Variants in CACNB2 observed in about 807,000 individuals in gnomAD.
CACNB2 encodes calcium voltage-gated channel auxiliary subunit beta 2, also known as voltage-dependent L-type calcium channel subunit beta-2.
CACNB2 carries 42 observed loss-of-function variants against 73.3 expected under a neutral mutation model. The ratio of observed to expected loss-of-function variants is 0.57; its 90% CI spans 0.45 to 0.74. The LOEUF (loss-of-function observed/expected upper bound fraction) is 0.74. Among genes scored for constraint, CACNB2 ranks in the 30% least tolerant of loss-of-function variants. The probability of loss-of-function intolerance (pLI) is 0.00; values close to 1 mark genes in which losing one functional copy is unlikely to be tolerated. For synonymous variants in CACNB2, 348 were observed against 310.3 expected (o/e 1.12, Z -1.28); for missense variants, 940 against 853.0 (o/e 1.10, Z -1.27).
At chr10:18,477,041 C>T (rs1056645260) in intron 3 of CACNB2, among the ~76,000 whole-genome samples, 1 of 151,378 alleles carries the variant, frequency 6.6e-6, no homozygotes, top group Non-Finnish European at 1.5e-5. Context: ...AAATACAGTT[C>T]TCATCTGCCA....
intron 2 of CACNB2, among the ~76,000 whole-genome samples, chr10:18,301,748 C>A (rs1472875355): frequency 6.6e-6 from 1 of 151,544 alleles, no homozygotes; most frequent in Non-Finnish European, 1.5e-5. Flanking sequence ...TTCTGGGTTC[C>A]AATGATTCTC....
chr10:18,401,488 TGG>T (rs2043993830), intron 2 of CACNB2, among the ~76,000 whole-genome samples: 1 of 152,220 alleles, frequency 6.6e-6, no homozygotes, highest in African/African-American at 2.4e-5. Flanking sequence ...AGTGACATTT[TGG>T]AGAGTTCAAG....
intron 3 of CACNB2, among the ~76,000 whole-genome samples, chr10:18,415,577 T>C (rs1351989114): frequency 1.3e-5 from 2 of 152,124 alleles, no homozygotes; most frequent in Non-Finnish European, 2.9e-5. Context: ...AGAAGGGCAC[T>C]TTAAATTATA....
intron 2 of CACNB2, among the ~76,000 whole-genome samples, chr10:18,252,707 G>T (rs1247665174): frequency 6.6e-6 from 1 of 152,178 alleles, no homozygotes; most frequent in African/African-American, 2.4e-5. Context: ...TTTAAGAGAG[G>T]TTTAATTTTT....
intron 2 of CACNB2, chr10:18,340,831 A>C (rs998096173): frequency 1.2e-6 from 2 of 1,612,840 alleles, no homozygotes; most frequent in South Asian, 1.1e-5. Context: ...CTGTTCAGCA[A>C]AGCAAGACTT....
At chr10:18,348,628 C>T (rs1368440913) in intron 2 of CACNB2, among the ~76,000 whole-genome samples, 2 of 152,068 alleles carry the variant, frequency 1.3e-5, no homozygotes, top group Admixed American at 6.6e-5. Flanking sequence ...CTCAGCCTCC[C>T]GAGTATCTGG....
chr10:18,355,664 T>G (rs1365735675), intron 2 of CACNB2, among the ~76,000 whole-genome samples: 2 of 150,264 alleles, frequency 1.3e-5, no homozygotes, highest in Non-Finnish European at 3.0e-5. Flanking sequence ...TGAGACAGAG[T>G]CTTGCTCTGT....
intron 3 of CACNB2, among the ~76,000 whole-genome samples, chr10:18,426,357 A>G (rs751655042): frequency 6.6e-6 from 1 of 152,232 alleles, no homozygotes; most frequent in African/African-American, 2.4e-5. Context: ...TAGTTACTAC[A>G]GTCTCTCTCA....
chr10:18,259,574 A>ACAAAG, intron 2 of CACNB2, among the ~76,000 whole-genome samples: 1 of 139,500 alleles, frequency 7.2e-6, no homozygotes, highest in African/African-American at 2.7e-5. Context: ...CAAAAAAAAA[A>ACAAAG]AGTAAAAGTA....
At chr10:18,349,428 T>G (rs377257668) in intron 2 of CACNB2, among the ~76,000 whole-genome samples, 5 of 152,358 alleles carry the variant, frequency 3.3e-5, no homozygotes, top group African/African-American at 1.2e-4. Context: ...ATGCAGTATC[T>G]GCTTTTAGGC....
At chr10:18,275,334 T>C (rs1317803826) in intron 2 of CACNB2, among the ~76,000 whole-genome samples, 1 of 152,222 alleles carries the variant, frequency 6.6e-6, no homozygotes, top group Admixed American at 6.5e-5. Context: ...ATCCTGTTAA[T>C]GCCAAACTTC....
intron 2 of CACNB2, among the ~76,000 whole-genome samples, chr10:18,335,454 A>G (rs1436019842): frequency 6.6e-6 from 1 of 152,198 alleles, no homozygotes; most frequent in East Asian, 1.9e-4. Flanking sequence ...TTAGCCAGGC[A>G]TGGCGGAGCA....
intron 2 of CACNB2, among the ~76,000 whole-genome samples, chr10:18,324,812 T>C (rs1266960918): frequency 1.3e-5 from 2 of 152,202 alleles, no homozygotes; most frequent in African/African-American, 4.8e-5. Context: ...GCTAAGAGTG[T>C]GCCATTGCAC....
chr10:18,420,703 CCCTGTGGTG>C (rs1013547964), intron 3 of CACNB2, among the ~76,000 whole-genome samples: 4 of 152,152 alleles, frequency 2.6e-5, no homozygotes, highest in Non-Finnish European at 5.9e-5. Context: ...TAAATTTGCA[CCCTGTGGTG>C]CAATCAAGTT....
intron 3 of CACNB2, among the ~76,000 whole-genome samples, chr10:18,440,056 A>G (rs140854303): frequency 6.6e-6 from 1 of 152,316 alleles, no homozygotes; most frequent in Non-Finnish European, 1.5e-5. Flanking sequence ...GAAGTCTAAG[A>G]TCAAGGCACC....
chr10:18,279,805 C>T (rs976208635), intron 2 of CACNB2, among the ~76,000 whole-genome samples: 6 of 152,168 alleles, frequency 3.9e-5, no homozygotes, highest in African/African-American at 9.6e-5. Flanking sequence ...GAGAGCTGGG[C>T]GCAGTGGCTC....
chr10:18,307,625 A>G lies in CACNB2; in HGVS notation c.214-94299A>G, dbSNP rs145138442. Among the ~76,000 whole-genome samples the G allele has an allele frequency of 1.1e-3, 170 of 152,254 alleles. 1 individual carries two copies. The highest frequency in any genetic ancestry group is 3.9e-3 in the African/African-American group (161 of 41,554). On this transcript the variant is annotated intron_variant, in intron 2 of 13. Coordinates refer to ENST00000324631, the MANE Select transcript of CACNB2 (RefSeq NM_201596.3). ...AGCACAGTGATGGCTTATAAAGGAG[A>G]CATGTCCAATAAATATTTGTTGCAT...
At chr10:18,403,229 C>G (rs1589251907) in intron 3 of CACNB2, among the ~76,000 whole-genome samples, 1 of 152,322 alleles carries the variant, frequency 6.6e-6, no homozygotes, top group South Asian at 2.1e-4. Flanking sequence ...ACTGATAAAA[C>G]TGGACGTGGC....
At chr10:18,519,559 C>T (rs2051633509) in intron 9 of CACNB2, among the ~76,000 whole-genome samples, 1 of 152,220 alleles carries the variant, frequency 6.6e-6, no homozygotes, top group South Asian at 2.1e-4. Flanking sequence ...CCCCTCTCTG[C>T]TAGAAGTATC....
Sources: allele counts gnomAD v4.1 joint callset (sites outside exome capture counted in the v4.1 genomes callset), GRCh38; gene constraint gnomAD v4.1.1; transcripts MANE v1.5; gene names NCBI Gene and HGNC (gene_info 2026-07-23, HGNC 2026-07-21).